SPHKAP: variants seen among roughly 807,000 people sequenced by gnomAD.
The protein encoded by SPHKAP is SPHK1 interactor, AKAP domain containing, also known as A-kinase anchor protein SPHKAP.
A neutral mutation model predicts 137.5 loss-of-function variants in SPHKAP; 67 were observed. That is an observed-to-expected ratio of 0.49 (90% confidence interval 0.40 to 0.60). The LOEUF (loss-of-function observed/expected upper bound fraction) is 0.60, where lower values mean the gene tolerates loss of function less well. SPHKAP is among the 20% of genes least tolerant of loss of function. The pLI is 0.00. For synonymous variants in SPHKAP, 813 were observed against 785.3 expected, an observed-to-expected ratio of 1.04 and a Z score of -0.59; for missense variants, 2,097 against 2,069.3, an observed-to-expected ratio of 1.01 and a Z score of -0.26.
chr2:227,981,785 A>G lies in SPHKAP; in HGVS notation c.5035T>C (p.Cys1679Arg). ...GDIFHAVVQY[C>R]KMHEEQKDGR... ...TCCTTCTGCTCCTCATGCATTTTGC[A>G]GTACTGGACAACTGCATGGAAGATA... is the stretch of plus-strand genomic sequence containing the variant. The change falls in exon 12 of 12, where the codon TGC becomes CGC. Residue 1679 changes from cysteine to arginine, a missense_variant. Coordinates refer to ENST00000392056, the MANE Select transcript of SPHKAP (RefSeq NM_001142644.2). The G allele has an allele frequency of 1.2e-6, 2 of 1,613,982 alleles. No individual in the cohort carries two copies. Among genetic ancestry groups the G allele is most frequent in the Non-Finnish European group, 1.7e-6 (2 of 1,179,858 alleles).
intron 7 of SPHKAP, among the ~76,000 whole-genome samples, chr2:228,005,000 C>A (rs925435016): frequency 1.3e-5 from 2 of 152,128 alleles, no homozygotes; most frequent in South Asian, 2.1e-4. Context: ...GGAATAGATG[C>A]GGTGTGGTTC....
chr2:228,093,155 G>T (rs139049334), intron 3 of SPHKAP, among the ~76,000 whole-genome samples: 24 of 152,304 alleles, frequency 1.6e-4, no homozygotes, highest in African/African-American at 5.5e-4. Flanking sequence ...TAGGGAGATC[G>T]AAACCTTCCT....
intron 1 of SPHKAP, among the ~76,000 whole-genome samples, chr2:228,133,598 G>A (rs1699335573): frequency 1.3e-5 from 2 of 152,082 alleles, no homozygotes; most frequent in South Asian, 4.1e-4. Flanking sequence ...TCACTAACAT[G>A]TACTTTTGGA....
intron 3 of SPHKAP, among the ~76,000 whole-genome samples, chr2:228,107,766 A>T (rs754984275): frequency 6.6e-6 from 1 of 152,186 alleles, no homozygotes; most frequent in Non-Finnish European, 1.5e-5. Context: ...TGCAAAGAAG[A>T]TATCACTTAA....
intron 1 of SPHKAP, among the ~76,000 whole-genome samples, chr2:228,148,939 A>G (rs997810988): frequency 2.6e-5 from 4 of 152,232 alleles, no homozygotes; most frequent in Admixed American, 2.6e-4. Flanking sequence ...AAAACTCAGG[A>G]AAGAGTTGAA....
intron 3 of SPHKAP, among the ~76,000 whole-genome samples, chr2:228,064,834 G>C (rs1696775647): frequency 6.6e-6 from 1 of 152,222 alleles, no homozygotes; most frequent in Non-Finnish European, 1.5e-5. Flanking sequence ...TGTTGGAAGG[G>C]GCAAATTGCC....
chr2:228,056,090 C>G (rs779306228), intron 3 of SPHKAP, among the ~76,000 whole-genome samples: 4 of 152,206 alleles, frequency 2.6e-5, no homozygotes, highest in African/African-American at 9.6e-5. Flanking sequence ...GTGCTATGCC[C>G]TCAAACTAAT....
At chr2:228,147,590 A>C (rs551256133) in intron 1 of SPHKAP, among the ~76,000 whole-genome samples, 23 of 152,286 alleles carry the variant, frequency 1.5e-4, no homozygotes, top group Admixed American at 7.2e-4. Flanking sequence ...TTGGGTCCCG[A>C]CTGTCACTTT....
rs1453320649 is a variant in SPHKAP, at chr2:227,981,824, A to G, written c.4996T>C (p.Trp1666Arg). The change falls in exon 12 of 12, where the codon TGG (tryptophan) becomes CGG (arginine). Residue 1666 changes from tryptophan (W) to arginine (R), a missense_variant. By Grantham distance (101) the Trp-to-Arg change is moderately radical. Transcript: ENST00000392056. ...GCATGGAAGATATCACCCACTTTCC[A>G]GGACTTCCGATGAACCAGCTGCACG... ...DVVQLVHRKS[W>R]KVGDIFHAVV... The G allele has an allele frequency of 6.2e-7, 1 of 1,613,686 alleles. No homozygotes were observed.
At chr2:228,015,066 C>T (rs892218430) in intron 7 of SPHKAP, among the ~76,000 whole-genome samples, 10 of 123,126 alleles carry the variant, frequency 8.1e-5, no homozygotes, top group African/African-American at 1.2e-4. Context: ...GCTATCCCTC[C>T]CCCTCCCCCC....
intron 7 of SPHKAP, among the ~76,000 whole-genome samples, chr2:227,996,625 T>C (rs1693649860): frequency 6.6e-6 from 1 of 152,094 alleles, no homozygotes; most frequent in Admixed American, 6.6e-5. Context: ...TACAAGCGGG[T>C]CTTCTGCATA....
At chr2:228,087,284 C>T (rs1460236253) in intron 3 of SPHKAP, among the ~76,000 whole-genome samples, 1 of 151,974 alleles carries the variant, frequency 6.6e-6, no homozygotes, top group Non-Finnish European at 1.5e-5. Flanking sequence ...AATTAAGGAA[C>T]AACAAAACAA....
At chr2:227,983,884 G>A (rs781359203) in intron 11 of SPHKAP, among the ~76,000 whole-genome samples, 11 of 152,224 alleles carry the variant, frequency 7.2e-5, no homozygotes, top group African/African-American at 1.7e-4. Context: ...CATGGGGCAC[G>A]TTTCTTATCA....
At chr2:228,127,043 AGAT>A (rs1469347314) in intron 2 of SPHKAP, among the ~76,000 whole-genome samples, 1 of 152,214 alleles carries the variant, frequency 6.6e-6, no homozygotes, top group Non-Finnish European at 1.5e-5. Context: ...ATGAGGAAAA[AGAT>A]GACACGATTA....
At chr2:228,158,023 G>A (rs1037114896) in intron 1 of SPHKAP, among the ~76,000 whole-genome samples, 2 of 152,288 alleles carry the variant, frequency 1.3e-5, no homozygotes, top group South Asian at 2.1e-4. Flanking sequence ...GCTTAATGAA[G>A]CTCACTGTGA....
At chr2:228,062,886 G>T (rs1461653102) in intron 3 of SPHKAP, among the ~76,000 whole-genome samples, 1 of 152,174 alleles carries the variant, frequency 6.6e-6, no homozygotes, top group Non-Finnish European at 1.5e-5. Context: ...TGCTATTGCA[G>T]AATTAGTTAT....
chr2:227,999,522 T>G (rs897322761), intron 7 of SPHKAP, among the ~76,000 whole-genome samples: 1 of 152,210 alleles, frequency 6.6e-6, no homozygotes, highest in Admixed American at 6.5e-5. Context: ...GACCAATTTC[T>G]TATTAAGTTA....
In SPHKAP at chr2:228,016,891, G is replaced by C; in HGVS notation, c.3963C>G (p.Asn1321Lys). Reference protein sequence around the residue: ...ASSIEALMRKNKIIVDDAEEA... With the variant: ...ASSIEALMRKKKIIVDDAEEA... ...CCTCTGCATCATCCACAATGATTTT[G>C]TTCTTGCGCATGAGAGCCTCAATGG... The change falls in exon 7 of 12, where the codon AAC becomes AAG. Residue 1321 changes from asparagine to lysine, a missense_variant. Coordinates refer to ENST00000392056, the MANE Select transcript of SPHKAP (RefSeq NM_001142644.2). 6.2e-7 allele frequency: 1 copy of C among 1,614,110 alleles called. No homozygotes were observed. The highest frequency in any genetic ancestry group is 8.5e-7 in the Non-Finnish European group (1 of 1,180,022).
intron 1 of SPHKAP, among the ~76,000 whole-genome samples, chr2:228,142,803 T>A (rs888272808): frequency 6.6e-6 from 1 of 152,132 alleles, no homozygotes; most frequent in Non-Finnish European, 1.5e-5. Flanking sequence ...CCCCATGACA[T>A]GAGTTTATCT....
Sources: gnomAD v4.1 joint callset for allele counts (sites outside exome capture counted in the v4.1 genomes callset) on GRCh38, gnomAD v4.1.1 for gene constraint, MANE v1.5 for transcripts, NCBI Gene and HGNC (gene_info 2026-07-23, HGNC 2026-07-21) for gene names.